Variants in PHF8 observed in about 807,000 individuals in gnomAD.
PHF8 encodes histone lysine demethylase PHF8.
A neutral mutation model predicts 74.4 loss-of-function variants in PHF8; 9 were observed. That is an observed-to-expected ratio of 0.12 (90% CI 0.07 to 0.21). PHF8 has a LOEUF of 0.21. Among genes scored for constraint, PHF8 ranks in the 10% least tolerant of loss-of-function variants. The pLI, the probability that PHF8 is intolerant of heterozygous loss-of-function variation, is 1.00. For missense variants in PHF8, 478 were observed against 816.6 expected, an observed-to-expected ratio of 0.59 and a Z score of 5.05; for synonymous variants, 311 against 316.6, an observed-to-expected ratio of 0.98 and a Z score of 0.19.
intron 19 of PHF8, among the ~76,000 whole-genome samples, chrX:53,950,919 C>A (rs1470457931): frequency 8.9e-6 from 1 of 111,836 alleles, no homozygotes; most frequent in Non-Finnish European, 1.9e-5. Context: ...GAAAAAAAAT[C>A]AATCAGTGGA....
At chrX:54,013,393 G>A (rs2066011995) in intron 7 of PHF8, among the ~76,000 whole-genome samples, 1 of 111,743 alleles carries the variant, frequency 8.9e-6, no homozygotes, top group African/African-American at 3.2e-5. Context: ...TAAAATGGAT[G>A]AATTTTATAG....
intron 14 of PHF8, among the ~76,000 whole-genome samples, chrX:53,990,399 A>G (rs1031159477): frequency 1.8e-5 from 2 of 110,835 alleles, no homozygotes; most frequent in Non-Finnish European, 3.8e-5. Flanking sequence ...TGACAGCTGC[A>G]GCGGGTAATA....
chrX:53,991,672 A>C (rs1308809157), intron 14 of PHF8, among the ~76,000 whole-genome samples: 4 of 105,091 alleles, frequency 3.8e-5, no homozygotes, highest in Admixed American at 1.0e-4. Context: ...AAAAAAAAAA[A>C]AAAAAAAAAA....
intron 2 of PHF8, among the ~76,000 whole-genome samples, chrX:54,027,984 C>CCACACACACACACA (rs782177087): frequency 5.2e-4 from 50 of 96,511 alleles, no homozygotes; most frequent in Non-Finnish European, 9.4e-4. Flanking sequence ...ACTATACACA[C>CCACACACACACACA]CACACACACA....
intron 19 of PHF8, among the ~76,000 whole-genome samples, chrX:53,955,635 T>C (rs782326950): frequency 2.9e-5 from 3 of 103,096 alleles, no homozygotes; most frequent in Non-Finnish European, 3.9e-5. Flanking sequence ...TACTAAATAA[T>C]AGCAGTGTTA....
chrX:54,011,157 G>C lies in PHF8; in HGVS notation c.911C>G (p.Ser304Cys), dbSNP rs1330282075. 3.3e-6 allele frequency: 4 copies of C among 1,209,724 alleles called. No homozygotes were observed. Among genetic ancestry groups the C allele is most frequent in the Non-Finnish European group, 4.5e-6 (4 of 893,648 alleles). ...GDQVDKCYKC[S>C]VKQGQTLFIP... ...GAAAAGTGTCTGTCCTTGCTTCACG[G>C]AACACTTGTAGCACTTGTCCACCTG... Residue 304 changes from serine (S) to cysteine (C), a missense_variant, in exon 8 of 22, where the codon TCC (serine) becomes TGC (cysteine). Around this residue, in one of 9 missense-constraint regions of PHF8, gnomAD observed 70 missense variants for 234.1 expected, o/e 0.30. Coordinates refer to ENST00000338154, the MANE Select transcript of PHF8 (RefSeq NM_015107.3).
At position 53,938,300 on chromosome X, in the gene PHF8, C is replaced by T. The variant is rs782297849; in HGVS notation, c.*858G>A. 9.8e-6 allele frequency: 10 copies of T among 1,021,583 alleles called. No homozygotes were observed. In the South Asian group the frequency reaches 3.2e-4, roughly 33 times the overall value. The allele number at this position is 1,021,583 out of a possible 1,213,427, so 84.2% of individuals were successfully genotyped here. A position where few individuals can be genotyped will look rare whatever the true frequency, so the allele number is the denominator to read the frequency against. ...TTCAGGTTTCTGGGAGATGGTTTTC[C>T]ACCTGCCAGGGCCCAGCCACAGCCA... On this transcript the variant is annotated 3_prime_UTR_variant, in exon 22 of 22. Transcript: ENST00000338154.
intron 18 of PHF8, among the ~76,000 whole-genome samples, chrX:53,980,437 T>C (rs1323572780): frequency 9.0e-6 from 1 of 110,649 alleles, no homozygotes; most frequent in Non-Finnish European, 1.9e-5. Context: ...ACGAAGGCCA[T>C]CTGCAAGCCA....
At chrX:53,987,984 T>C (rs782218330) in intron 14 of PHF8, 40 bp from the exon 15 acceptor site, 8 of 1,031,723 alleles carry the variant, frequency 7.8e-6, no homozygotes, top group African/African-American at 7.4e-5. Context: ...ACTAGCAGTA[T>C]TGTTAGTCGC....
At chrX:54,039,986 T>C (rs1245470000) in intron 2 of PHF8, 1 of 112,679 alleles carries the variant, frequency 8.9e-6, no homozygotes, top group Non-Finnish European at 1.9e-5. Context: ...AATTTAACAG[T>C]GGATTGTGCC....
chrX:54,012,242 G>T (rs1242780054), intron 7 of PHF8, among the ~76,000 whole-genome samples: 3 of 111,546 alleles, frequency 2.7e-5, no homozygotes, highest in African/African-American at 9.8e-5. Context: ...TTGCTTTAGA[G>T]AGAGAATATA....
intron 4 of PHF8, among the ~76,000 whole-genome samples, chrX:54,021,678 C>T (rs1291786255): frequency 5.6e-5 from 6 of 107,650 alleles, no homozygotes; most frequent in African/African-American, 1.7e-4. Context: ...CCGTTTTAGC[C>T]GGGATGGTCT....
At position 53,995,642 on chromosome X, in the gene PHF8, A is replaced by G. The variant is rs782088696; in HGVS notation, c.1323+51T>C. On this transcript the variant is annotated intron_variant, in intron 12 of 21. Transcript: ENST00000338154. ...CTGCAGAGGCCTAACCTGCCACTTG[A>G]GCCTCAAGGCCTTTCCAAATGCCTT... 6.2e-6 allele frequency: 5 copies of G among 811,356 alleles called. No individual in the cohort carries two copies. In the South Asian group the frequency reaches 1.0e-4, roughly 17 times the overall value. 66.9% of individuals were successfully genotyped at this position (811,356 alleles called of 1,213,427 possible). A position where few individuals can be genotyped will look rare whatever the true frequency, so the allele number is the denominator to read the frequency against.
At chrX:54,033,425 G>C (rs1478692281) in intron 2 of PHF8, among the ~76,000 whole-genome samples, 2 of 112,193 alleles carry the variant, frequency 1.8e-5, no homozygotes, top group Non-Finnish European at 3.8e-5. Flanking sequence ...TGAATAAATT[G>C]AAAGTGTCGC....
chrX:53,995,040 T>C (rs1418004654), intron 12 of PHF8: 1 of 289,329 alleles, frequency 3.5e-6, no homozygotes, highest in African/African-American at 2.8e-5. Flanking sequence ...GTTGATGTTA[T>C]CCTCACTTTA....
intron 1 of PHF8, 29 bp from the exon 2 acceptor site, chrX:54,042,849 T>A: frequency 2.9e-6 from 3 of 1,047,961 alleles, no homozygotes; most frequent in East Asian, 6.7e-5. Flanking sequence ...TTTTACAGAG[T>A]GAATCAGCCC....
intron 20 of PHF8, chrX:53,942,676 G>A (rs1328270831): frequency 4.3e-6 from 3 of 703,088 alleles, no homozygotes; most frequent in Non-Finnish European, 4.9e-6. Flanking sequence ...TAAGTACCAC[G>A]AATGTTGTAG....
Position 53,962,862 on chromosome X carries a change from C to T in PHF8, c.2521G>A (p.Ala841Thr), listed in dbSNP as rs1557091300. The change falls in exon 19 of 22, where the codon GCT becomes ACT. Residue 841 changes from alanine to threonine, a missense_variant. Physicochemically the swap from Ala to Thr is moderately conservative, Grantham distance 58. Transcript: ENST00000338154. ...RPKKKKNSDDAPWSPKARVTP... is the reference protein window; with the variant it reads ...RPKKKKNSDDTPWSPKARVTP... ...AGATTACCTTTAGGACTCCATGGAG[C>T]ATCATCTGAATTCTTCTTTTTCTTG... 25 of 1,170,102 alleles carry T rather than the reference C, an allele frequency of 2.1e-5. No individual in the cohort carries two copies. The highest frequency in any genetic ancestry group is 2.9e-5 in the Non-Finnish European group (25 of 857,940).
intron 6 of PHF8, 58 bp downstream of exon 6, chrX:54,016,537 A>G: frequency 3.0e-6 from 3 of 1,002,968 alleles, no homozygotes; most frequent in Non-Finnish European, 4.2e-6. Context: ...TACACTAGAT[A>G]TATCACACAA....
Sources: gnomAD v4.1 joint callset for allele counts (sites outside exome capture counted in the v4.1 genomes callset) on GRCh38, gnomAD v4.1.1 for gene constraint, gnomAD v4.1.1 regional missense constraint, MANE v1.5 for transcripts, NCBI Gene and HGNC (gene_info 2026-07-23, HGNC 2026-07-21) for gene names.